Variants in GHR observed in about 807,000 individuals in gnomAD.
The protein encoded by GHR is growth hormone receptor.
GHR carries 35 observed loss-of-function variants against 67.1 expected under a neutral mutation model. The ratio of observed to expected loss-of-function variants is 0.52; its 90% CI spans 0.40 to 0.69. GHR has a LOEUF of 0.69. Among genes scored for constraint, GHR ranks in the 30% least tolerant of loss-of-function variants. The pLI is 0.00. For synonymous variants in GHR, 272 were observed against 269.1 expected (o/e 1.01, Z -0.10); for missense variants, 792 against 764.6 (o/e 1.04, Z -0.42).
At chr5:42,603,845 G>T (rs2112643395) in intron 2 of GHR, among the ~76,000 whole-genome samples, 1 of 152,208 alleles carries the variant, frequency 6.6e-6, no homozygotes, top group Non-Finnish European at 1.5e-5. Context: ...CCTACAGATT[G>T]GGGGCTCAGT....
chr5:42,719,575 T>A lies in GHR; in HGVS notation c.*151T>A. On this transcript the variant is annotated 3_prime_UTR_variant, in exon 10 of 10. Coordinates refer to ENST00000230882, the MANE Select transcript of GHR (RefSeq NM_000163.5). ...AATGCCTTTTCCCAAAATGTTGAAA[T>A]ATGATGTTAAAAAAATAAGAAGAAT... 2 of 732,276 alleles carry A rather than the reference T, an allele frequency of 2.7e-6. No homozygotes were observed. Among genetic ancestry groups the A allele is most frequent in the Middle Eastern group, 2.5e-4 (1 of 3,966 alleles). 45.4% of individuals were successfully genotyped at this position (732,276 alleles called of 1,614,324 possible).
At chr5:42,688,772 A>C (rs1757278004) in intron 3 of GHR, 118 bp from the exon 4 acceptor site, 9 of 954,906 alleles carry the variant, frequency 9.4e-6, no homozygotes, top group Non-Finnish European at 1.5e-5. Flanking sequence ...TACCTCCTAG[A>C]CACGGAATAC....
chr5:42,621,527 C>G (rs1235560918), intron 2 of GHR, among the ~76,000 whole-genome samples: 1 of 152,116 alleles, frequency 6.6e-6, no homozygotes, highest in Non-Finnish European at 1.5e-5. Flanking sequence ...TAGGAAACTT[C>G]CACATTTGTC....
chr5:42,644,285 A>G (rs1380236338), intron 3 of GHR, among the ~76,000 whole-genome samples: 1 of 152,186 alleles, frequency 6.6e-6, no homozygotes, highest in Non-Finnish European at 1.5e-5. Context: ...AGCACCACCC[A>G]TGATGTATTC....
intron 2 of GHR, among the ~76,000 whole-genome samples, chr5:42,583,432 ATCT>A (rs1354984024): frequency 6.6e-6 from 1 of 152,208 alleles, no homozygotes; most frequent in African/African-American, 2.4e-5. Flanking sequence ...CTATTTTGAC[ATCT>A]TCTTTCCACC....
intron 1 of GHR, chr5:42,465,957 C>T: frequency 1.5e-6 from 1 of 672,324 alleles, no homozygotes; most frequent in Non-Finnish European, 2.7e-6. Flanking sequence ...ATTTTCCCTT[C>T]ACCGTGAAGT....
At chr5:42,430,606 C>CCG (rs2111889769) in intron 1 of GHR, among the ~76,000 whole-genome samples, 2 of 71,328 alleles carry the variant, frequency 2.8e-5, no homozygotes, top group African/African-American at 1.1e-4. Flanking sequence ...CATGCTAGTC[C>CCG]CGTGTGTGTG....
At chr5:42,583,338 T>C (rs1038375423) in intron 2 of GHR, among the ~76,000 whole-genome samples, 5 of 151,914 alleles carry the variant, frequency 3.3e-5, no homozygotes, top group African/African-American at 1.2e-4. Context: ...ATCTTACCTT[T>C]TCCATTCAGT....
chr5:42,549,149 T>C (rs1748887372), intron 1 of GHR, among the ~76,000 whole-genome samples: 1 of 152,156 alleles, frequency 6.6e-6, no homozygotes, highest in African/African-American at 2.4e-5. Flanking sequence ...TCTTTTCAGA[T>C]TAACTCTGAT....
chr5:42,597,203 G>A (rs764938260), intron 2 of GHR, among the ~76,000 whole-genome samples: 9 of 152,118 alleles, frequency 5.9e-5, no homozygotes, highest in Non-Finnish European at 1.2e-4. Flanking sequence ...GTTTGGAAGC[G>A]AGGCACAGTA....
chr5:42,682,058 G>A (rs2071128118), intron 3 of GHR, among the ~76,000 whole-genome samples: 1 of 152,084 alleles, frequency 6.6e-6, no homozygotes, highest in African/African-American at 2.4e-5. Flanking sequence ...AGAAAGTGTG[G>A]CACATATACA....
intron 2 of GHR, among the ~76,000 whole-genome samples, chr5:42,622,932 T>C (rs1240739081): frequency 6.6e-6 from 1 of 152,114 alleles, no homozygotes; most frequent in African/African-American, 2.4e-5. Context: ...CAGGAGGGCC[T>C]AAATGGTCTA....
intron 2 of GHR, among the ~76,000 whole-genome samples, chr5:42,605,705 T>A (rs1752600051): frequency 6.6e-6 from 1 of 152,222 alleles, no homozygotes; most frequent in Non-Finnish European, 1.5e-5. Context: ...CTCTCTCAAA[T>A]GGCAGGTCTC....
chr5:42,682,590 T>C (rs542226993), intron 3 of GHR, among the ~76,000 whole-genome samples: 86 of 152,278 alleles, frequency 5.6e-4, no homozygotes, highest in African/African-American at 2.0e-3. Context: ...GGCACAATGG[T>C]ACTAGATGTG....
At position 42,424,765 on chromosome 5, in the gene GHR, G is replaced by A. The variant is rs112403341; in HGVS notation, c.-12+810G>A. 6.6e-6 allele frequency among the ~76,000 whole-genome samples: 1 copy of A among 152,232 alleles called. No homozygotes were observed. Among genetic ancestry groups the A allele is most frequent in the Non-Finnish European group, 1.5e-5 (1 of 68,040 alleles). ...GGCGGCGCAGAGGGTGCGGGGCAGG[G>A]CACTTGCGAGTGCGTGGGGAAGTCT... is the stretch of plus-strand genomic sequence containing the variant. On this transcript the variant is annotated intron_variant, in intron 1 of 9. Transcript: ENST00000230882. The surrounding 1 kb of genome is among the most constrained non-coding windows in gnomAD (Gnocchi z 4.1).
chr5:42,565,646 A>C, intron 1 of GHR: 1 of 985,216 alleles, frequency 1.0e-6, no homozygotes, highest in Non-Finnish European at 1.2e-6. Context: ...ATTTCCTGAG[A>C]CTAGCACTCA....
intron 7 of GHR, among the ~76,000 whole-genome samples, chr5:42,712,816 ATCTT>A (rs1758528546): frequency 6.6e-6 from 1 of 151,638 alleles, no homozygotes; most frequent in African/African-American, 2.4e-5. Context: ...CTCAGTAGTG[ATCTT>A]TCTGTCAATT....
intron 1 of GHR, among the ~76,000 whole-genome samples, chr5:42,500,830 C>T (rs1411466172): frequency 2.0e-5 from 3 of 152,112 alleles, no homozygotes; most frequent in Non-Finnish European, 4.4e-5. Flanking sequence ...AGCTGACATC[C>T]GTAACAATGA....
intron 3 of GHR, among the ~76,000 whole-genome samples, chr5:42,685,535 G>A (rs569079921): frequency 6.1e-4 from 93 of 152,282 alleles, no homozygotes; most frequent in Non-Finnish European, 1.0e-3. Context: ...TTCCACAATG[G>A]TTGAACTAAT....
Sources: allele counts gnomAD v4.1 joint callset (sites outside exome capture counted in the v4.1 genomes callset), GRCh38; gene constraint gnomAD v4.1.1; non-coding constraint Gnocchi (gnomAD v3.1); transcripts MANE v1.5; gene names NCBI Gene and HGNC (gene_info 2026-07-23, HGNC 2026-07-21).